The following PARD3B variants were observed in gnomAD, a reference collection of about 807,000 sequenced individuals.
PARD3B encodes the protein par-3 family cell polarity regulator beta.
PARD3B carries 103 observed loss-of-function variants against 130.2 expected under a neutral mutation model. The ratio of observed to expected loss-of-function variants is 0.79; its 90% CI spans 0.67 to 0.93. The LOEUF (loss-of-function observed/expected upper bound fraction) is 0.93. PARD3B is among the 40% of genes least tolerant of loss of function. The pLI is 0.00. For synonymous variants in PARD3B, 583 were observed against 553.2 expected, an observed-to-expected ratio of 1.05 and a Z score of -0.76; for missense variants, 1,609 against 1,499.2, an observed-to-expected ratio of 1.07 and a Z score of -1.21.
intron 10 of PARD3B, among the ~76,000 whole-genome samples, chr2:205,131,403 A>G (rs757408192): frequency 2.0e-5 from 3 of 152,162 alleles, no homozygotes; most frequent in Non-Finnish European, 4.4e-5. Flanking sequence ...GCTTTTCCCT[A>G]CAATAATTTC....
chr2:204,568,677 G>A (rs1433237329), intron 1 of PARD3B, among the ~76,000 whole-genome samples: 1 of 152,136 alleles, frequency 6.6e-6, no homozygotes, highest in Non-Finnish European at 1.5e-5. Context: ...ATTACAGGCT[G>A]GTTTCGGTGG....
At chr2:205,133,561 C>T (rs765592391) in intron 10 of PARD3B, among the ~76,000 whole-genome samples, 11 of 152,096 alleles carry the variant, frequency 7.2e-5, no homozygotes, top group Non-Finnish European at 1.6e-4. Flanking sequence ...GAACATGAAG[C>T]CTGTAGGATA....
chr2:204,794,501 G>A (rs977424203), intron 2 of PARD3B, among the ~76,000 whole-genome samples: 5 of 152,030 alleles, frequency 3.3e-5, no homozygotes, highest in East Asian at 1.9e-4. Flanking sequence ...GCTGATTACC[G>A]TGGTGGAAAC....
intron 22 of PARD3B, among the ~76,000 whole-genome samples, chr2:205,561,790 T>C (rs1004947478): frequency 2.6e-5 from 4 of 152,208 alleles, no homozygotes; most frequent in African/African-American, 9.7e-5. Context: ...GCTGAAGAAC[T>C]TGTCTAGGTC....
intron 20 of PARD3B, among the ~76,000 whole-genome samples, chr2:205,474,975 C>T (rs1220378558): frequency 6.6e-6 from 1 of 152,124 alleles, no homozygotes; most frequent in African/African-American, 2.4e-5. Context: ...TGAGTCATTA[C>T]CAGGAGGAAT....
intron 2 of PARD3B, among the ~76,000 whole-genome samples, chr2:204,802,650 A>G (rs573706754): frequency 2.0e-5 from 3 of 152,324 alleles, no homozygotes; most frequent in Admixed American, 1.3e-4. Flanking sequence ...ACCATAGACT[A>G]CTATGCAGCT....
intron 2 of PARD3B, among the ~76,000 whole-genome samples, chr2:204,910,577 G>C (rs2047196370): frequency 6.6e-6 from 1 of 152,150 alleles, no homozygotes; most frequent in African/African-American, 2.4e-5. Context: ...ACAATGTTTG[G>C]CTTCTGAGAG....
intron 1 of PARD3B, among the ~76,000 whole-genome samples, chr2:204,591,797 T>A (rs770731760): frequency 2.0e-5 from 3 of 152,192 alleles, no homozygotes; most frequent in Non-Finnish European, 4.4e-5. Flanking sequence ...TTACGAACTT[T>A]TACATATTTT....
rs916286008 is a variant in PARD3B, at chr2:205,122,075, G to A, written c.1165+126G>A. 5 of 835,148 alleles carry A rather than the reference G, an allele frequency of 6.0e-6. No individual in the cohort carries two copies. Among genetic ancestry groups the A allele is most frequent in the Non-Finnish European group, 9.0e-6 (5 of 552,604 alleles). 51.7% of individuals were successfully genotyped at this position (835,148 alleles called of 1,614,324 possible). A position where few individuals can be genotyped will look rare whatever the true frequency, so the allele number is the denominator to read the frequency against. On this transcript the variant is annotated intron_variant, in intron 8 of 22. Coordinates refer to ENST00000406610, the MANE Select transcript of PARD3B (RefSeq NM_001302769.2). This position sits in a 1 kb window ranked among gnomAD's most constrained non-coding sequence, Gnocchi z 4.3. Reference sequence around the variant, plus strand: ...TAATTGTATCAAAGAATAGATTTAAGTGTATACTTAGGTAACTTAAATTTC... The same window carrying A: ...TAATTGTATCAAAGAATAGATTTAAATGTATACTTAGGTAACTTAAATTTC...
At chr2:205,314,701 A>C (rs2042502777) in intron 18 of PARD3B, among the ~76,000 whole-genome samples, 1 of 152,254 alleles carries the variant, frequency 6.6e-6, no homozygotes, top group Non-Finnish European at 1.5e-5. Flanking sequence ...GCTAAATAAT[A>C]TCCACCAGGA....
At chr2:204,608,421 C>T (rs915457443) in intron 1 of PARD3B, among the ~76,000 whole-genome samples, 2 of 152,096 alleles carry the variant, frequency 1.3e-5, no homozygotes, top group African/African-American at 4.8e-5. Flanking sequence ...GGCTGTGCAT[C>T]TCCATGGGGA....
At chr2:205,526,151 A>G (rs910755228) in intron 21 of PARD3B, among the ~76,000 whole-genome samples, 7 of 152,196 alleles carry the variant, frequency 4.6e-5, no homozygotes, top group African/African-American at 1.7e-4. Flanking sequence ...TTGAACATAG[A>G]TTCTGTTTCA....
chr2:205,381,441 G>T (rs1238517318), intron 18 of PARD3B, among the ~76,000 whole-genome samples: 1 of 151,230 alleles, frequency 6.6e-6, no homozygotes, highest in African/African-American at 2.4e-5. Context: ...TTCCTCAAAA[G>T]GCTGTGTTCA....
intron 15 of PARD3B, among the ~76,000 whole-genome samples, chr2:205,226,157 T>C (rs1426853436): frequency 6.6e-6 from 1 of 152,180 alleles, no homozygotes; most frequent in Non-Finnish European, 1.5e-5. Context: ...TTCTCCTGCC[T>C]CAGCCTCCCG....
intron 4 of PARD3B, among the ~76,000 whole-genome samples, chr2:205,058,954 T>A (rs201416775): frequency 2.4e-5 from 1 of 41,320 alleles, no homozygotes; most frequent in African/African-American, 1.1e-4. Context: ...TCAATTTTTC[T>A]TTTTTTTTTT....
chr2:205,106,239 C>G (rs1225202760), intron 5 of PARD3B, among the ~76,000 whole-genome samples: 1 of 152,062 alleles, frequency 6.6e-6, no homozygotes, highest in Non-Finnish European at 1.5e-5. Flanking sequence ...CCTCCGCCCC[C>G]CAGGTTCAAG....
chr2:204,596,944 GTCTC>G (rs1207065764), intron 1 of PARD3B, among the ~76,000 whole-genome samples: 8 of 149,784 alleles, frequency 5.3e-5, no homozygotes, highest in South Asian at 2.1e-4. Context: ...CTCTCTATCT[GTCTC>G]TCTCTCTCTC....
chr2:205,485,180 T>A (rs2049390527), intron 20 of PARD3B, among the ~76,000 whole-genome samples: 1 of 152,198 alleles, frequency 6.6e-6, no homozygotes, highest in Non-Finnish European at 1.5e-5. Context: ...TTGTTTTGTT[T>A]TGTTTTGTTT....
intron 2 of PARD3B, among the ~76,000 whole-genome samples, chr2:204,897,777 A>G (rs1307172911): frequency 1.3e-5 from 2 of 152,106 alleles, no homozygotes; most frequent in Non-Finnish European, 2.9e-5. Flanking sequence ...GCAAGGGAAC[A>G]TTGATCATTG....
Sources: gnomAD v4.1 joint callset for allele counts (sites outside exome capture counted in the v4.1 genomes callset) on GRCh38, gnomAD v4.1.1 for gene constraint, Gnocchi (gnomAD v3.1) non-coding constraint, MANE v1.5 for transcripts, NCBI Gene and HGNC (gene_info 2026-07-23, HGNC 2026-07-21) for gene names.